USP36: variants seen among roughly 807,000 people sequenced by gnomAD.
USP36 encodes the protein ubiquitin specific peptidase 36.
A neutral mutation model predicts 111.5 loss-of-function variants in USP36; 59 were observed. The observed-to-expected ratio is 0.53, with a 90% confidence interval of 0.43 to 0.66. USP36 has a LOEUF of 0.66. USP36 is among the 30% of genes least tolerant of loss of function. The pLI is 0.00. For missense variants in USP36, 1,488 were observed against 1,468.0 expected (o/e 1.01, Z -0.22); for synonymous variants, 628 against 581.0 (o/e 1.08, Z -1.16).
exon 4 of USP36, chr17:78,787,593 A>C (rs1242254184): frequency 6.6e-6 from 1 of 152,246 alleles, no homozygotes; most frequent in Non-Finnish European, 1.5e-5. Flanking sequence ...CAGGTCAATG[A>C]AGAGCAGCCA....
chr17:78,814,660 A>C, intron 10 of USP36, 108 bp from the exon 11 acceptor site: 1 of 1,399,694 alleles, frequency 7.1e-7, no homozygotes, highest in Non-Finnish European at 9.6e-7. Flanking sequence ...TCTGGTCTTT[A>C]ACAATTTGGG....
At chr17:78,811,854 T>C (rs1368730920) in intron 13 of USP36, among the ~76,000 whole-genome samples, 3 of 151,228 alleles carry the variant, frequency 2.0e-5, no homozygotes, top group Non-Finnish European at 4.4e-5. Context: ...GGCGACAGAA[T>C]GAGACTCCGT....
At chr17:78,838,167 G>C (rs1283925219) in intron 2 of USP36, among the ~76,000 whole-genome samples, 1 of 151,940 alleles carries the variant, frequency 6.6e-6, no homozygotes, top group Non-Finnish European at 1.5e-5. Context: ...GGATCAGGAG[G>C]TCAGGAATTC....
chr17:78,818,935 A>G, intron 9 of USP36, 157 bp from the exon 10 acceptor site: 1 of 666,408 alleles, frequency 1.5e-6, no homozygotes, highest in Admixed American at 2.8e-5. Context: ...AATCACATTA[A>G]GCATGCCTCA....
At chr17:78,799,572 C>T (rs1366224836) in intron 18 of USP36, 95 bp downstream of exon 18, 1 of 1,140,648 alleles carries the variant, frequency 8.8e-7, no homozygotes, top group African/African-American at 1.6e-5. Flanking sequence ...GCCCGCCCGC[C>T]ACACTCACAG....
intron 12 of USP36, among the ~76,000 whole-genome samples, chr17:78,813,287 C>T (rs1004616685): frequency 2.6e-5 from 4 of 152,100 alleles, no homozygotes; most frequent in African/African-American, 9.7e-5. Context: ...AACACCTCAG[C>T]CACACTCTGC....
rs924397067 is a variant in USP36, at chr17:78,797,242, T to A, written c.*658A>T. 6.6e-6 allele frequency: 1 copy of A among 152,196 alleles called. No homozygotes were observed. Among genetic ancestry groups the A allele is most frequent in the Non-Finnish European group, 1.5e-5 (1 of 68,030 alleles). 9.4% of individuals were successfully genotyped at this position (152,196 alleles called of 1,614,324 possible). ...AGATGTATTCGCAGGTATCGAGGGC[T>A]CCTCCGACCCCAAATAGCCTCTGCT... is the stretch of plus-strand genomic sequence containing the variant. On this transcript the variant is annotated 3_prime_UTR_variant, in exon 21 of 21. Transcript: ENST00000449938.
At chr17:78,834,604 G>A (rs114280214) in intron 4 of USP36, among the ~76,000 whole-genome samples, 58 of 151,944 alleles carry the variant, frequency 3.8e-4, no homozygotes, top group African/African-American at 1.2e-3. Flanking sequence ...ACCCCATCAC[G>A]CCTAATTTTT....
At position 78,838,749 on chromosome 17, in the gene USP36, G is replaced by C. The variant is rs541693776; in HGVS notation, c.-172C>G. 1 of 152,538 alleles carries C rather than the reference G, an allele frequency of 6.6e-6. No individual in the cohort carries two copies. Among genetic ancestry groups the C allele is most frequent in the East Asian group, 1.9e-4 (1 of 5,194 alleles). 9.4% of individuals were successfully genotyped at this position (152,538 alleles called of 1,614,324 possible). A position where few individuals can be genotyped will look rare whatever the true frequency, so the allele number is the denominator to read the frequency against. ...CCGAAGCCGCAGAGCGGGCGTCAGA[G>C]CCTGTGGGAGGGACAGGGAGACCAT... On this transcript the variant is annotated splice_region_variant and 5_prime_UTR_variant, in exon 2 of 21. Transcript: ENST00000449938.
chr17:78,792,667 G>A (rs1273400617), downstream of USP36, among the ~76,000 whole-genome samples: 1 of 152,186 alleles, frequency 6.6e-6, no homozygotes, highest in Non-Finnish European at 1.5e-5. Flanking sequence ...CAGGGACCAG[G>A]ATGGCAACTC....
chr17:78,793,393 G>A (rs1363559969), downstream of USP36, among the ~76,000 whole-genome samples: 1 of 152,158 alleles, frequency 6.6e-6, no homozygotes, highest in Non-Finnish European at 1.5e-5. Context: ...AGAGCCCAAC[G>A]AAGAAGGGCA....
At position 78,827,365 on chromosome 17, in the gene USP36, A is replaced by C; in HGVS notation, c.587-18T>G. 2 of 1,599,132 alleles carry C rather than the reference A, an allele frequency of 1.3e-6. No homozygotes were observed. The highest frequency in any genetic ancestry group is 1.7e-6 in the Non-Finnish European group (2 of 1,170,096). On this transcript the variant is annotated intron_variant, in intron 5 of 20. Coordinates refer to ENST00000449938, the MANE Select transcript of USP36 (RefSeq NM_001385174.1). Reference sequence around the variant, plus strand: ...GGCGATCTCTAAAAGAGGAAGAAACAGGGAGGGAAGAGCTCGTGTCTTCTC... The same window carrying C: ...GGCGATCTCTAAAAGAGGAAGAAACCGGGAGGGAAGAGCTCGTGTCTTCTC...
chr17:78,806,018 C>G (rs547171012), intron 15 of USP36, 138 bp downstream of exon 15: 11 of 1,434,500 alleles, frequency 7.7e-6, no homozygotes, highest in Non-Finnish European at 9.4e-6. Context: ...GTCAGTGACG[C>G]CCCCCTGTAC....
chr17:78,791,672 T>C (rs973092555), downstream of USP36, among the ~76,000 whole-genome samples: 2 of 152,116 alleles, frequency 1.3e-5, no homozygotes, highest in Non-Finnish European at 2.9e-5. Flanking sequence ...CAGAGGCCTC[T>C]AGGGGGCTGT....
At chr17:78,824,097 A>G (rs1451793536) in intron 6 of USP36, among the ~76,000 whole-genome samples, 1 of 152,222 alleles carries the variant, frequency 6.6e-6, no homozygotes, top group Non-Finnish European at 1.5e-5. Context: ...CTAGAGTGCC[A>G]CACACAGCTG....
intron 3 of USP36, among the ~76,000 whole-genome samples, chr17:78,788,459 G>A (rs1009319861): frequency 6.6e-6 from 1 of 152,130 alleles, no homozygotes; most frequent in African/African-American, 2.4e-5. Flanking sequence ...CACCGCACCC[G>A]GCCCTGGTTC....
Position 78,796,525 on chromosome 17 carries a change from A to G in USP36, c.*1375T>C, listed in dbSNP as rs1039426097. 6.6e-6 allele frequency: 1 copy of G among 152,152 alleles called. No homozygotes were observed. Among genetic ancestry groups the G allele is most frequent in the African/African-American group, 2.4e-5 (1 of 41,412 alleles). The allele number at this position is 152,152 out of a possible 1,614,324, so 9.4% of individuals were successfully genotyped here. On this transcript the variant is annotated 3_prime_UTR_variant, in exon 21 of 21. Coordinates refer to ENST00000449938, the MANE Select transcript of USP36 (RefSeq NM_001385174.1). The stretch of plus-strand genomic sequence containing the variant: ...AAGAGAAACGTAAAAACAGAAGAAA[A>G]TCCAAAAAGAGACACCCACCCACAT...
At chr17:78,795,011 A>C (rs1401734467), downstream of USP36, among the ~76,000 whole-genome samples, 1 of 137,296 alleles carries the variant, frequency 7.3e-6, no homozygotes, top group Non-Finnish European at 1.6e-5. This position sits in a 1 kb window ranked among gnomAD's most constrained non-coding sequence, Gnocchi z 4.5. Flanking sequence ...CTGTTCGGGA[A>C]AAAAAAAAAA....
Position 78,798,315 on chromosome 17 carries a change from C to G in USP36, c.*20+85G>C. On this transcript the variant is annotated intron_variant, in intron 20 of 20. Coordinates refer to ENST00000449938, the MANE Select transcript of USP36 (RefSeq NM_001385174.1). The surrounding 1 kb of genome is among the most constrained non-coding windows in gnomAD (Gnocchi z 5.1). ...ACACAGCCCACATACATCATACACACACGCCACACCCCACCACACCCCTAC... is the reference window on the plus strand; with the variant it reads ...ACACAGCCCACATACATCATACACAGACGCCACACCCCACCACACCCCTAC... The G allele has an allele frequency of 6.5e-7, 1 of 1,534,922 alleles. No individual in the cohort carries two copies. Among genetic ancestry groups the G allele is most frequent in the Non-Finnish European group, 8.8e-7 (1 of 1,137,912 alleles).
Sources: allele counts gnomAD v4.1 joint callset (sites outside exome capture counted in the v4.1 genomes callset), GRCh38; gene constraint gnomAD v4.1.1; non-coding constraint Gnocchi (gnomAD v3.1); transcripts MANE v1.5; gene names NCBI Gene and HGNC (gene_info 2026-07-23, HGNC 2026-07-21).